Variants in MACC1 observed in about 807,000 individuals in gnomAD.
MACC1 encodes MET transcriptional regulator MACC1.
In MACC1, 79 loss-of-function variants were observed where a neutral mutation model predicts 70.7. The ratio of observed to expected loss-of-function variants is 1.12; its 90% confidence interval spans 0.93 to 1.35. The LOEUF (loss-of-function observed/expected upper bound fraction) is 1.35, where lower values mean the gene tolerates loss of function less well. Among genes scored for constraint, MACC1 ranks in the 40% most tolerant of loss-of-function variants. The probability of loss-of-function intolerance (pLI) is 0.00; values close to 1 mark genes in which losing one functional copy is unlikely to be tolerated. For missense variants in MACC1, 1,106 were observed against 978.1 expected, an observed-to-expected ratio of 1.13 and a Z score of -1.74; for synonymous variants, 361 against 347.2, an observed-to-expected ratio of 1.04 and a Z score of -0.44.
chr7:20,200,185 C>G (rs932778386), intron 1 of MACC1, among the ~76,000 whole-genome samples: 2 of 151,638 alleles, frequency 1.3e-5, no homozygotes, highest in African/African-American at 4.9e-5. Context: ...AAAGGAAATA[C>G]AGGGGCTAAC....
intron 2 of MACC1, chr7:20,170,203 A>G (rs902605034): frequency 1.2e-4 from 19 of 152,248 alleles, no homozygotes; most frequent in Admixed American, 3.3e-4. Context: ...TCTGAGCACC[A>G]TTTCCTCATC....
At chr7:20,179,676 TTG>T (rs1782469082) in intron 1 of MACC1, among the ~76,000 whole-genome samples, 1 of 113,986 alleles carries the variant, frequency 8.8e-6, no homozygotes, top group Non-Finnish European at 1.7e-5. Context: ...GCAGGAGTTG[TTG>T]TTTTTTTTGT....
intron 1 of MACC1, among the ~76,000 whole-genome samples, chr7:20,191,744 T>C (rs1211448964): frequency 5.3e-5 from 8 of 152,172 alleles, no homozygotes; most frequent in Non-Finnish European, 2.9e-5. Flanking sequence ...AAGATCTAAC[T>C]AAAATACGGC....
chr7:20,141,247 A>G (rs1284518488), intron 6 of MACC1, 89 bp from the exon 7 acceptor site: 1 of 851,968 alleles, frequency 1.2e-6, no homozygotes, highest in African/African-American at 1.7e-5. Flanking sequence ...AAGCCTCTTA[A>G]GATTTAAGAT....
At chr7:20,181,563 A>G (rs928735869) in intron 1 of MACC1, among the ~76,000 whole-genome samples, 4 of 152,160 alleles carry the variant, frequency 2.6e-5, no homozygotes, top group African/African-American at 9.6e-5. Context: ...CTAAAAAATC[A>G]TTTGCTAAAA....
At chr7:20,209,406 G>C (rs1782963278) in intron 1 of MACC1, among the ~76,000 whole-genome samples, 2 of 152,260 alleles carry the variant, frequency 1.3e-5, no homozygotes, top group Non-Finnish European at 2.9e-5. Context: ...GTGGATGTGA[G>C]ACATAGAGTC....
rs1352629507 is a variant in MACC1, at chr7:20,138,542, A to G, written c.*2404T>C. The G allele has an allele frequency of 6.6e-6, 1 of 152,102 alleles. No homozygotes were observed. The highest frequency in any genetic ancestry group is 1.9e-4 in the East Asian group (1 of 5,186). 9.4% of individuals were successfully genotyped at this position (152,102 alleles called of 1,614,324 possible). A position where few individuals can be genotyped will look rare whatever the true frequency, so the allele number is the denominator to read the frequency against. ...CAAAAAAGGACTGTGTTCTGAAAGT[A>G]AAAACTGTGCTTTTTTTTCCTTCTC... is the stretch of plus-strand genomic sequence containing the variant. On this transcript the variant is annotated 3_prime_UTR_variant, in exon 7 of 7. Coordinates refer to ENST00000400331, the MANE Select transcript of MACC1 (RefSeq NM_182762.4).
chr7:20,202,524 C>G (rs1315338974), intron 1 of MACC1, among the ~76,000 whole-genome samples: 1 of 152,162 alleles, frequency 6.6e-6, no homozygotes, highest in Non-Finnish European at 1.5e-5. Flanking sequence ...CTAAAACTCT[C>G]CAATCTTCAA....
At chr7:20,154,767 G>T (rs114874141) in intron 5 of MACC1, among the ~76,000 whole-genome samples, 1,636 of 152,162 alleles carry the variant, frequency 0.011, 44 homozygotes, top group African/African-American at 0.037. Flanking sequence ...TTACTCACAA[G>T]AAATAAAGCC....
Position 20,160,042 on chromosome 7 carries a change from T to C in MACC1, c.319A>G (p.Ile107Val). The C allele has an allele frequency of 6.2e-7, 1 of 1,611,068 alleles. No homozygotes were observed. Among genetic ancestry groups the C allele is most frequent in the African/African-American group, 1.3e-5 (1 of 74,742 alleles). Residue 107 changes from isoleucine (I) to valine (V), a missense_variant, in exon 5 of 7, where the codon ATA becomes GTA. Coordinates refer to ENST00000400331, the MANE Select transcript of MACC1 (RefSeq NM_182762.4). ...KEDPFLFCREIENGNSFDSSG... is the reference protein window; with the variant it reads ...KEDPFLFCREVENGNSFDSSG... ...GAATCAAAAGAATTTCCATTTTCTA[T>C]TTCTCTACAGAAAAGAAAAGGATCT...
At chr7:20,141,333 T>C (rs1323387435) in intron 6 of MACC1, among the ~76,000 whole-genome samples, 175 bp from the exon 7 acceptor site, 1 of 152,234 alleles carries the variant, frequency 6.6e-6, no homozygotes, top group South Asian at 2.1e-4. Context: ...AGCTTCCTGT[T>C]ATATCCCTGT....
intron 2 of MACC1, among the ~76,000 whole-genome samples, chr7:20,166,036 A>T (rs555799275): frequency 1.3e-5 from 2 of 152,336 alleles, no homozygotes; most frequent in South Asian, 4.1e-4. Context: ...ATACACTTAA[A>T]AGAATTATTT....
chr7:20,165,286 T>C (rs1782196682), intron 2 of MACC1, among the ~76,000 whole-genome samples: 2 of 152,186 alleles, frequency 1.3e-5, no homozygotes, highest in Non-Finnish European at 2.9e-5. Flanking sequence ...AAGAATTTTA[T>C]TTCTAACAAA....
intron 5 of MACC1, among the ~76,000 whole-genome samples, chr7:20,157,012 G>A (rs1416136389): frequency 6.6e-6 from 1 of 152,086 alleles, no homozygotes; most frequent in Admixed American, 6.5e-5. Flanking sequence ...GTTTCATGAA[G>A]GCATAGTGGC....
chr7:20,185,708 G>A (rs543623488), intron 1 of MACC1, among the ~76,000 whole-genome samples: 11 of 152,272 alleles, frequency 7.2e-5, no homozygotes, highest in Admixed American at 2.6e-4. Flanking sequence ...TCCAATGTAC[G>A]TTAACTTAAA....
intron 2 of MACC1, among the ~76,000 whole-genome samples, chr7:20,164,668 A>G (rs1782187184): frequency 6.6e-6 from 1 of 152,196 alleles, no homozygotes; most frequent in South Asian, 2.1e-4. Flanking sequence ...TTCCTGGCAG[A>G]CCTTCCAAAT....
Position 20,197,808 on chromosome 7 carries a change from G to A in MACC1, c.-218+19491C>T, listed in dbSNP as rs144961104. ...GGTGAAACAGAAAAGTTTCAATCAC[G>A]TATTTATCATGACTTAGTATCATGG... On this transcript the variant is annotated intron_variant, in intron 1 of 6. Transcript: ENST00000400331. Among the ~76,000 whole-genome samples, 60 of 152,236 alleles carry A rather than the reference G, an allele frequency of 3.9e-4. 1 individual carries two copies. Among genetic ancestry groups the A allele is most frequent in the African/African-American group, 8.2e-4 (34 of 41,542 alleles).
intron 6 of MACC1, 129 bp downstream of exon 6, chr7:20,154,064 A>G: frequency 3.5e-6 from 3 of 857,094 alleles, no homozygotes; most frequent in Non-Finnish European, 5.6e-6. Context: ...TTACTAGTGC[A>G]GTGATTCAGT....
chr7:20,216,369 C>A (rs1783070469), intron 1 of MACC1, among the ~76,000 whole-genome samples: 1 of 151,964 alleles, frequency 6.6e-6, no homozygotes, highest in Admixed American at 6.6e-5. Flanking sequence ...ATACAATTTA[C>A]CATCCTAACC....
Sources: gnomAD v4.1 joint callset for allele counts (sites outside exome capture counted in the v4.1 genomes callset) on GRCh38, gnomAD v4.1.1 for gene constraint, MANE v1.5 for transcripts, NCBI Gene and HGNC (gene_info 2026-07-23, HGNC 2026-07-21) for gene names.